ABHD18: variants seen among roughly 807,000 people sequenced by gnomAD.
ABHD18 encodes the protein abhydrolase domain containing 18, also known as cardiolipin-specific deacylase, mitochondrial.
A neutral mutation model predicts 65.9 loss-of-function variants in ABHD18; 55 were observed. The observed-to-expected ratio is 0.84, with a 90% CI of 0.67 to 1.05. The LOEUF is 1.05. Ranked by LOEUF, ABHD18 falls within the 50% of genes least tolerant of loss-of-function variation. The probability of loss-of-function intolerance (pLI) is 0.00; values close to 1 mark genes in which losing one functional copy is unlikely to be tolerated. For synonymous variants in ABHD18, 181 were observed against 180.2 expected, an observed-to-expected ratio of 1.00 and a Z score of -0.04; for missense variants, 533 against 558.5, an observed-to-expected ratio of 0.95 and a Z score of 0.46.
In ABHD18 at chr4:128,036,829, T is replaced by C. The variant is rs1198888499; in HGVS notation, c.*1016T>C. The C allele has an allele frequency of 6.6e-6, 1 of 151,176 alleles. No homozygotes were observed. Among genetic ancestry groups the C allele is most frequent in the Non-Finnish European group, 1.5e-5 (1 of 67,812 alleles). The allele number at this position is 151,176 out of a possible 1,614,324, so 9.4% of individuals were successfully genotyped here. ...ACTAAAGATTAGGGTTTTTAAAAAATGCCAATAGGCCGGGTGCAGTGGCTC... is the reference window on the plus strand; with the variant it reads ...ACTAAAGATTAGGGTTTTTAAAAAACGCCAATAGGCCGGGTGCAGTGGCTC... On this transcript the variant is annotated 3_prime_UTR_variant, in exon 13 of 13. Transcript: ENST00000645843.
At chr4:128,034,792 A>G (rs1035581843) in intron 12 of ABHD18, among the ~76,000 whole-genome samples, 9 of 152,060 alleles carry the variant, frequency 5.9e-5, no homozygotes, top group Non-Finnish European at 1.3e-4. Flanking sequence ...CTGGGATTAT[A>G]GGCATGTGCC....
At chr4:128,012,387 T>C (rs1754727799) in intron 7 of ABHD18, among the ~76,000 whole-genome samples, 1 of 152,230 alleles carries the variant, frequency 6.6e-6, no homozygotes. Flanking sequence ...TCTTTTAAAA[T>C]GATAAACTCC....
intron 4 of ABHD18, among the ~76,000 whole-genome samples, chr4:128,005,302 G>A (rs1350092218): frequency 1.3e-5 from 2 of 152,124 alleles, no homozygotes; most frequent in African/African-American, 4.8e-5. Context: ...TGCCCTATTT[G>A]TGCTATCATC....
chr4:128,030,961 G>C lies in ABHD18; in HGVS notation c.1343+289G>C, dbSNP rs577411397. On this transcript the variant is annotated intron_variant, in intron 12 of 12. Transcript: ENST00000645843. Reference sequence around the variant, plus strand: ...AGGTATTTTAGGATGTGAGAAGGAAGATCATGGCTTGTTAAAGTTGCTTTG... The same window carrying C: ...AGGTATTTTAGGATGTGAGAAGGAACATCATGGCTTGTTAAAGTTGCTTTG... 175 of 1,086,962 alleles carry C rather than the reference G, an allele frequency of 1.6e-4. 3 individuals carry two copies. The South Asian group carries it at 5.5e-3, about 34-fold the overall frequency. The allele number at this position is 1,086,962 out of a possible 1,614,324, so 67.3% of individuals were successfully genotyped here. A position where few individuals can be genotyped will look rare whatever the true frequency, so the allele number is the denominator to read the frequency against.
intron 1 of ABHD18, among the ~76,000 whole-genome samples, chr4:127,972,361 G>A (rs928885605): frequency 6.6e-6 from 1 of 152,042 alleles, no homozygotes; most frequent in Non-Finnish European, 1.5e-5. Context: ...GAGGTCAGAG[G>A]GTCCCAAAGT....
Position 128,039,086 on chromosome 4 carries a change from G to A in ABHD18, c.*3273G>A, listed in dbSNP as rs1400645025. On this transcript the variant is annotated 3_prime_UTR_variant, in exon 13 of 13. Transcript: ENST00000645843. ...GTTTTATATATATATACACACACACGTATGTGTGTATATATATGTATGTAC... is the reference window on the plus strand; with the variant it reads ...GTTTTATATATATATACACACACACATATGTGTGTATATATATGTATGTAC... 5 of 137,022 alleles carry A rather than the reference G, an allele frequency of 3.6e-5. No homozygotes were observed. The highest frequency in any genetic ancestry group is 2.1e-4 in the East Asian group (1 of 4,832). The allele number at this position is 137,022 out of a possible 1,614,324, so 8.5% of individuals were successfully genotyped here. A position where few individuals can be genotyped will look rare whatever the true frequency, so the allele number is the denominator to read the frequency against.
intron 1 of ABHD18, among the ~76,000 whole-genome samples, chr4:127,971,208 T>C (rs372896868): frequency 1.5e-4 from 23 of 149,324 alleles, no homozygotes; most frequent in African/African-American, 5.7e-4. Context: ...AAGCCATGAT[T>C]GCCCCACTCG....
At chr4:128,025,894 ACACATGTAATCC>A (rs1386809763) in intron 10 of ABHD18, among the ~76,000 whole-genome samples, 1 of 152,234 alleles carries the variant, frequency 6.6e-6, no homozygotes, top group Non-Finnish European at 1.5e-5. Context: ...ACGACGGCTC[ACACATGTAATCC>A]CAGCACTTTG....
intron 12 of ABHD18, among the ~76,000 whole-genome samples, chr4:128,035,107 A>C (rs1470784318): frequency 4.6e-5 from 7 of 152,174 alleles, no homozygotes; most frequent in Admixed American, 1.3e-4. Flanking sequence ...CTGAAAAGTT[A>C]CATAATTAAT....
chr4:128,023,585 T>TAA lies in ABHD18; in HGVS notation c.801+2360_801+2361dup, dbSNP rs751357932. ...GGTGACAGAGCAAGACCATTTCTCT[T>TAA]AAAAAAAAAAAAAAGGCTGGGCGCA... On this transcript the variant is annotated intron_variant, in intron 10 of 12. Transcript: ENST00000645843. Among the ~76,000 whole-genome samples the TAA allele has an allele frequency of 5.6e-3, 759 of 134,812 alleles. 5 individuals are homozygous for TAA. Among genetic ancestry groups the TAA allele is most frequent in the African/African-American group, 0.02 (719 of 36,634 alleles). 88.4% of individuals were successfully genotyped at this position (134,812 alleles called of 152,430 possible). A position where few individuals can be genotyped will look rare whatever the true frequency, so the allele number is the denominator to read the frequency against.
intron 8 of ABHD18, 131 bp downstream of exon 8, chr4:128,017,632 C>T: frequency 1.4e-6 from 1 of 729,256 alleles, no homozygotes; most frequent in Non-Finnish European, 2.1e-6. Context: ...AAACAGATTC[C>T]AAACTCTTAC....
chr4:128,007,505 G>T lies in ABHD18; in HGVS notation c.279-1415G>T, dbSNP rs188749801. Among the ~76,000 whole-genome samples, 9 of 152,136 alleles carry T rather than the reference G, an allele frequency of 5.9e-5. No individual in the cohort carries two copies. The East Asian group carries it at 1.4e-3, about 23-fold the overall frequency. ...GCCTGTAATCCCAGCACTTTGGGAG[G>T]CTAAGGCGGGAGGATCACTTGAGTC... On this transcript the variant is annotated intron_variant, in intron 4 of 12. Transcript: ENST00000645843.
chr4:128,033,783 G>A (rs987542512), intron 12 of ABHD18, among the ~76,000 whole-genome samples: 1 of 151,198 alleles, frequency 6.6e-6, no homozygotes, highest in African/African-American at 2.4e-5. Context: ...TGATCCGCCT[G>A]TCTCGGCCTC....
intron 4 of ABHD18, among the ~76,000 whole-genome samples, chr4:127,991,487 T>A (rs1750915344): frequency 6.6e-6 from 1 of 152,184 alleles, no homozygotes; most frequent in Non-Finnish European, 1.5e-5. Flanking sequence ...GCCTCCCAAG[T>A]GCTGGGATTA....
intron 12 of ABHD18, chr4:128,031,116 T>C (rs1171996089): frequency 5.1e-6 from 5 of 988,688 alleles, no homozygotes; most frequent in Non-Finnish European, 6.0e-6. Flanking sequence ...GCTTTTAATG[T>C]GAACAACCTT....
intron 8 of ABHD18, among the ~76,000 whole-genome samples, chr4:128,018,097 T>A (rs924810998): frequency 6.6e-6 from 1 of 152,142 alleles, no homozygotes; most frequent in Admixed American, 6.6e-5. Context: ...CCTTATTCTC[T>A]TTCACCTAGG....
intron 1 of ABHD18, among the ~76,000 whole-genome samples, chr4:127,979,122 T>C (rs1204699906): frequency 6.6e-6 from 1 of 152,176 alleles, no homozygotes; most frequent in Admixed American, 6.5e-5. Flanking sequence ...ATAATAAATA[T>C]AAATGTCCTA....
In ABHD18 at chr4:128,028,562, A is replaced by G. The variant is rs1188395781; in HGVS notation, c.889A>G (p.Thr297Ala). 6.2e-7 allele frequency: 1 copy of G among 1,613,202 alleles called. No individual in the cohort carries two copies. The highest frequency in any genetic ancestry group is 2.2e-5 in the East Asian group (1 of 44,852). ...KLTNLNLVSRTLNLDISNQVV... is the reference protein window; with the variant it reads ...KLTNLNLVSRALNLDISNQVV... ...AACTAACCTTAATCTGGTTTCCAGA[A>G]CTTTAAATTTAGATATATCAAACCA... The change falls in exon 11 of 13, where the codon ACT becomes GCT. Residue 297 changes from threonine to alanine, a missense_variant. This residue lies in a region of ABHD18 where 220 missense variants were observed against 226.8 expected (regional missense o/e 0.97). Transcript: ENST00000645843.
In ABHD18 at chr4:128,026,458, C is replaced by CA. The variant is rs1196814395; in HGVS notation, c.802-2001dup. The stretch of plus-strand genomic sequence containing the variant: ...TGGGTGACAGAGTAAGACTCCACCT[C>CA]AAAAAAAAAAAAAAAAGAGCAGTTT... On this transcript the variant is annotated intron_variant, in intron 10 of 12. Coordinates refer to ENST00000645843, the MANE Select transcript of ABHD18 (RefSeq NM_001358451.3). Among the ~76,000 whole-genome samples, 515 of 102,030 alleles carry CA rather than the reference C, an allele frequency of 5.0e-3. 2 individuals are homozygous for CA. The highest frequency in any genetic ancestry group is 8.8e-3 in the African/African-American group (243 of 27,522). The allele number at this position is 102,030 out of a possible 152,430, so 66.9% of individuals were successfully genotyped here.
Sources: allele counts gnomAD v4.1 joint callset (sites outside exome capture counted in the v4.1 genomes callset), GRCh38; gene constraint gnomAD v4.1.1; regional missense constraint gnomAD v4.1.1; transcripts MANE v1.5; gene names NCBI Gene and HGNC (gene_info 2026-07-23, HGNC 2026-07-21).